Variants in NEK5 observed in about 807,000 individuals in gnomAD.
NEK5 encodes serine/threonine-protein kinase Nek5.
Under a neutral mutation model 109.2 loss-of-function variants are expected in NEK5, and 88 were observed. That is an observed-to-expected ratio of 0.81 (90% CI 0.68 to 0.96). The LOEUF is 0.96. Among genes scored for constraint, NEK5 ranks in the 40% least tolerant of loss-of-function variants. The pLI, the probability that NEK5 is intolerant of heterozygous loss-of-function variation, is 0.00. For missense variants in NEK5, 834 were observed against 920.7 expected (o/e 0.91, Z 1.22); for synonymous variants, 283 against 299.9 (o/e 0.94, Z 0.58).
chr13:52,119,199 T>TG (rs1362473524), intron 4 of NEK5, 120 bp downstream of exon 4: 3 of 448,910 alleles, frequency 6.7e-6, no homozygotes, highest in Non-Finnish European at 7.9e-6. Flanking sequence ...TTTAAGTAAA[T>TG]GGGGAAATGA....
chr13:52,110,474 T>C lies in NEK5; in HGVS notation c.396+20A>G. On this transcript the variant is annotated intron_variant, in intron 6 of 23. Transcript: ENST00000684899. Reference sequence around the variant, plus strand: ...CAAGAAAAGATCAGTTCTGTCTTAGTCTTCTCTCTGAGCTGTTACCTGAGC... The same window carrying C: ...CAAGAAAAGATCAGTTCTGTCTTAGCCTTCTCTCTGAGCTGTTACCTGAGC... The C allele has an allele frequency of 6.2e-7, 1 of 1,600,544 alleles. No homozygotes were observed. The highest frequency in any genetic ancestry group is 8.6e-7 in the Non-Finnish European group (1 of 1,167,808).
intron 11 of NEK5, 72 bp from the exon 12 acceptor site, chr13:52,099,948 G>C: frequency 8.5e-7 from 1 of 1,179,612 alleles, no homozygotes; most frequent in South Asian, 1.3e-5. Context: ...ACTTGTAAGA[G>C]TATAAACATA....
Position 52,084,762 on chromosome 13 carries a change from A to AGAGTGTGT in NEK5, c.1480-1411_1480-1410insACACACTC, listed in dbSNP as rs1228944662. On this transcript the variant is annotated intron_variant, in intron 16 of 23. Transcript: ENST00000684899. ...GAGAGAGAGAGAGAGAGAGAGAGAG[A>AGAGTGTGT]GTGTGTGTGTGTGTGTGTGTGTGTG... 2.6e-3 allele frequency among the ~76,000 whole-genome samples: 123 copies of AGAGTGTGT among 47,444 alleles called. 3 individuals carry two copies. Among genetic ancestry groups the AGAGTGTGT allele is most frequent in the African/African-American group, 6.9e-3 (94 of 13,572 alleles). 31.1% of individuals were successfully genotyped at this position (47,444 alleles called of 152,430 possible). A position where few individuals can be genotyped will look rare whatever the true frequency, so the allele number is the denominator to read the frequency against.
chr13:52,090,129 C>A (rs530427418), intron 13 of NEK5, among the ~76,000 whole-genome samples: 1 of 152,142 alleles, frequency 6.6e-6, no homozygotes, highest in Non-Finnish European at 1.5e-5. Flanking sequence ...AGCTGTCTCT[C>A]CAAATGTTTA....
At chr13:52,079,725 G>T (rs545020389) in intron 17 of NEK5, among the ~76,000 whole-genome samples, 2,323 of 113,976 alleles carry the variant, frequency 0.02, 32 homozygotes, top group Admixed American at 0.099. Context: ...CCGCCACCCC[G>T]TCTGGGAAGT....
intron 22 of NEK5, among the ~76,000 whole-genome samples, chr13:52,053,349 C>T (rs184863944): frequency 2.1e-4 from 32 of 152,110 alleles, no homozygotes; most frequent in African/African-American, 7.7e-4. Context: ...TGAAAACTGG[C>T]AAATGAAAGC....
intron 17 of NEK5, among the ~76,000 whole-genome samples, chr13:52,078,497 G>A (rs1005682955): frequency 6.6e-6 from 1 of 152,110 alleles, no homozygotes; most frequent in Non-Finnish European, 1.5e-5. Context: ...TATTGATTGT[G>A]GTGATGGGTT....
chr13:52,081,902 T>C (rs755004354), intron 17 of NEK5, among the ~76,000 whole-genome samples: 3 of 152,232 alleles, frequency 2.0e-5, no homozygotes, highest in Admixed American at 2.0e-4. Flanking sequence ...GTGATCCTAC[T>C]GGCACCTTTA....
chr13:52,079,950 C>T (rs1284558883), intron 17 of NEK5, among the ~76,000 whole-genome samples: 6 of 152,050 alleles, frequency 3.9e-5, no homozygotes, highest in South Asian at 2.1e-4. Context: ...TACCCGGCCG[C>T]GACCCTGTCT....
intron 20 of NEK5, 108 bp from the exon 21 acceptor site, chr13:52,065,717 A>G: frequency 1.4e-6 from 1 of 725,162 alleles, no homozygotes; most frequent in Non-Finnish European, 2.3e-6. Context: ...GTATGTTCAA[A>G]ACCAGAAAAA....
intron 5 of NEK5, 88 bp from the exon 6 acceptor site, chr13:52,110,665 TACACACACAC>T (rs71665641): frequency 1.6e-6 from 1 of 634,236 alleles, no homozygotes; most frequent in Admixed American, 2.5e-5. Flanking sequence ...ATAGAAATTA[TACACACACAC>T]ACACACACAT....
intron 12 of NEK5, among the ~76,000 whole-genome samples, chr13:52,098,053 C>T (rs1240207460): frequency 6.6e-6 from 1 of 152,098 alleles, no homozygotes; most frequent in Non-Finnish European, 1.5e-5. Flanking sequence ...CCCCTTCTGC[C>T]ATGATTATAA....
intron 21 of NEK5, 148 bp downstream of exon 21, chr13:52,065,336 G>T: frequency 9.3e-7 from 1 of 1,073,550 alleles, no homozygotes; most frequent in South Asian, 1.3e-5. Flanking sequence ...TAGGCATAGG[G>T]AGATATCAAA....
At chr13:52,057,774 A>G (rs1380412800) in intron 22 of NEK5, among the ~76,000 whole-genome samples, 2 of 152,174 alleles carry the variant, frequency 1.3e-5, no homozygotes, top group Non-Finnish European at 2.9e-5. Flanking sequence ...AAAACTCTCA[A>G]TAAATTAGGT....
At chr13:52,091,059 G>A (rs1955272809) in intron 13 of NEK5, among the ~76,000 whole-genome samples, 1 of 152,042 alleles carries the variant, frequency 6.6e-6, no homozygotes, top group African/African-American at 2.4e-5. Flanking sequence ...TCCATCCCAT[G>A]GCCTGTAATT....
At chr13:52,074,900 A>C (rs913951805) in intron 19 of NEK5, among the ~76,000 whole-genome samples, 1 of 152,248 alleles carries the variant, frequency 6.6e-6, no homozygotes, top group Non-Finnish European at 1.5e-5. Flanking sequence ...TTATCAGAGA[A>C]CTACAAATCA....
chr13:52,119,284 T>C (rs1344064923), intron 4 of NEK5, 35 bp downstream of exon 4: 12 of 1,261,036 alleles, frequency 9.5e-6, no homozygotes, highest in Non-Finnish European at 1.1e-5. Flanking sequence ...GCCTATACTT[T>C]ATAAAAATAC....
intron 11 of NEK5, among the ~76,000 whole-genome samples, chr13:52,100,826 C>A (rs1454806268): frequency 6.6e-6 from 1 of 152,214 alleles, no homozygotes; most frequent in African/African-American, 2.4e-5. Context: ...GACTGGTATA[C>A]AACAATGTTA....
At position 52,064,483 on chromosome 13, in the gene NEK5, G is replaced by A. The variant is rs1329598355; in HGVS notation, c.1975+1001C>T. 2.2e-3 allele frequency among the ~76,000 whole-genome samples: 324 copies of A among 144,082 alleles called. 1 individual carries two copies. The highest frequency in any genetic ancestry group is 2.2e-3 in the Non-Finnish European group (143 of 64,774). The allele number at this position is 144,082 out of a possible 152,430, so 94.5% of individuals were successfully genotyped here. On this transcript the variant is annotated intron_variant, in intron 21 of 23. Transcript: ENST00000684899. The stretch of plus-strand genomic sequence containing the variant: ...AGCCCCCCGCCCGGCCAGCCGCCCC[G>A]TCTGGGAGGGAGGTGGGGGGGTCAG...
Sources: allele counts gnomAD v4.1 joint callset (sites outside exome capture counted in the v4.1 genomes callset), GRCh38; gene constraint gnomAD v4.1.1; transcripts MANE v1.5; gene names NCBI Gene and HGNC (gene_info 2026-07-23, HGNC 2026-07-21).